The following STK33 variants were observed in gnomAD, a reference collection of about 807,000 sequenced individuals.
STK33 encodes serine/threonine-protein kinase 33.
STK33 carries 52 observed loss-of-function variants against 58.0 expected under a neutral mutation model. The observed-to-expected ratio is 0.90, with a 90% CI of 0.72 to 1.13. The LOEUF is 1.13. Ranked by LOEUF, STK33 falls within the 50% of genes most tolerant of loss-of-function variation. The pLI is 0.00. For synonymous variants in STK33, 215 were observed against 200.1 expected, an observed-to-expected ratio of 1.07 and a Z score of -0.63; for missense variants, 630 against 604.2, an observed-to-expected ratio of 1.04 and a Z score of -0.45.
intron 1 of STK33, among the ~76,000 whole-genome samples, chr11:8,519,206 T>A (rs1218679136): frequency 6.6e-6 from 1 of 152,138 alleles, no homozygotes; most frequent in Admixed American, 6.5e-5. Context: ...ACCGCTCAAC[T>A]ACATGGAAAC....
At chr11:8,518,509 A>G (rs1953040505) in intron 1 of STK33, among the ~76,000 whole-genome samples, 1 of 152,248 alleles carries the variant, frequency 6.6e-6, no homozygotes, top group Non-Finnish European at 1.5e-5. Flanking sequence ...CCTTAAATGT[A>G]AATGGGCTAA....
intron 1 of STK33, among the ~76,000 whole-genome samples, chr11:8,590,013 C>A (rs1277603139): frequency 6.6e-6 from 1 of 152,132 alleles, no homozygotes; most frequent in African/African-American, 2.4e-5. Flanking sequence ...TGAAAGAATT[C>A]AAGTCTAAGA....
chr11:8,540,613 T>C (rs1955432432), intron 1 of STK33, among the ~76,000 whole-genome samples: 1 of 152,162 alleles, frequency 6.6e-6, no homozygotes, highest in African/African-American at 2.4e-5. Flanking sequence ...TAGCAGATAT[T>C]ATGCTAAGTG....
At chr11:8,445,969 G>GT (rs1463207175) in intron 11 of STK33, among the ~76,000 whole-genome samples, 2 of 152,150 alleles carry the variant, frequency 1.3e-5, no homozygotes, top group Non-Finnish European at 2.9e-5. Context: ...GCTCCTCCTT[G>GT]TACCTCTGGT....
the STK33 span, among the ~76,000 whole-genome samples, chr11:8,377,339 A>G: frequency 6.6e-6 from 1 of 152,242 alleles, no homozygotes; most frequent in African/African-American, 2.4e-5. Flanking sequence ...TCAAAATGGG[A>G]TATATCATAT....
At chr11:8,371,020 G>C in the STK33 span, among the ~76,000 whole-genome samples, 34 of 152,272 alleles carry the variant, frequency 2.2e-4, no homozygotes, top group African/African-American at 8.2e-4. Context: ...GCTAATGTCT[G>C]ATCCTGGAGG....
the STK33 span, among the ~76,000 whole-genome samples, chr11:8,376,898 C>T: frequency 1.3e-5 from 2 of 152,298 alleles, no homozygotes; most frequent in African/African-American, 4.8e-5. Flanking sequence ...TTGGCTCCAA[C>T]CATCCCTAGT....
intron 1 of STK33, among the ~76,000 whole-genome samples, chr11:8,569,849 C>T (rs879408034): frequency 6.6e-6 from 1 of 151,918 alleles, no homozygotes; most frequent in African/African-American, 2.4e-5. Context: ...CTCAGCTACT[C>T]GGGAGGCTGA....
At chr11:8,367,220 C>T in the STK33 span, among the ~76,000 whole-genome samples, 1 of 152,232 alleles carries the variant, frequency 6.6e-6, no homozygotes, top group Non-Finnish European at 1.5e-5. Flanking sequence ...TATCTGTGCG[C>T]ACTATGCATG....
intron 1 of STK33, among the ~76,000 whole-genome samples, chr11:8,495,448 A>T (rs1950984072): frequency 6.6e-6 from 1 of 152,208 alleles, no homozygotes; most frequent in Admixed American, 6.5e-5. Context: ...TCAGGAAACA[A>T]CAGATACTGG....
chr11:8,535,974 T>C (rs998634867), intron 1 of STK33, among the ~76,000 whole-genome samples: 1 of 152,174 alleles, frequency 6.6e-6, no homozygotes, highest in Non-Finnish European at 1.5e-5. Flanking sequence ...TGGAAGTCAT[T>C]ATCTTAAGTG....
At chr11:8,343,664 C>A in the STK33 span, among the ~76,000 whole-genome samples, 1 of 152,204 alleles carries the variant, frequency 6.6e-6, no homozygotes, top group South Asian at 2.1e-4. Context: ...AAGGCTGGGG[C>A]GAGTCTCATA....
intron 14 of STK33, among the ~76,000 whole-genome samples, chr11:8,425,357 C>G (rs10840043): frequency 0.58 from 87,832 of 151,920 alleles, 25,828 homozygotes; most frequent in South Asian, 0.71. Flanking sequence ...CTCTGTTTTG[C>G]TACCAGTACC....
the STK33 span, among the ~76,000 whole-genome samples, chr11:8,362,438 G>A: frequency 6.6e-6 from 1 of 152,106 alleles, no homozygotes; most frequent in Admixed American, 6.5e-5. Flanking sequence ...ACGGCTCCCC[G>A]TGACCTTATT....
the STK33 span, among the ~76,000 whole-genome samples, chr11:8,335,101 G>A: frequency 2.1e-4 from 32 of 152,338 alleles, no homozygotes; most frequent in Middle Eastern, 3.4e-3. Context: ...TCAGGTGCGC[G>A]GAGGAATGAA....
rs112772770 is a variant in STK33 at position 8,550,325 on chromosome 11, T to C, written c.-466+43758A>G. 1.0e-3 allele frequency among the ~76,000 whole-genome samples: 156 copies of C among 152,280 alleles called. 1 individual carries two copies. The highest frequency in any genetic ancestry group is 3.5e-3 in the African/African-American group (146 of 41,554). On this transcript the variant is annotated intron_variant, in intron 1 of 15. Transcript: ENST00000687296. ...TCATTCATTTCTGCTCTGATCTTTA[T>C]TATTTCTTTCCTTCTACTAATATAT...
Position 8,543,059 on chromosome 11 carries a change from G to A in STK33, c.-466+51024C>T, listed in dbSNP as rs149095126. Among the ~76,000 whole-genome samples, 13 of 152,096 alleles carry A rather than the reference G, an allele frequency of 8.5e-5. No individual in the cohort carries two copies. The East Asian group carries it at 1.2e-3, about 14-fold the overall frequency. On this transcript the variant is annotated intron_variant, in intron 1 of 15. Coordinates refer to ENST00000687296, the MANE Select transcript of STK33 (RefSeq NM_001352389.2). The stretch of plus-strand genomic sequence containing the variant: ...TTATTATCTCCATCAGTTTGATGCC[G>A]CCCAATGCAGACTCTGTTTTGTTCT...
intron 1 of STK33, among the ~76,000 whole-genome samples, chr11:8,493,485 C>T (rs1023949537): frequency 5.3e-5 from 8 of 152,082 alleles, no homozygotes; most frequent in Non-Finnish European, 1.2e-4. Flanking sequence ...TGTCCAGGAC[C>T]AGACGGATTC....
At chr11:8,395,134 T>A (rs951743955) in intron 15 of STK33, among the ~76,000 whole-genome samples, 1 of 152,234 alleles carries the variant, frequency 6.6e-6, no homozygotes, top group Admixed American at 6.5e-5. Context: ...CAATTTCCTA[T>A]GGTTCAATCT....
Sources: allele counts gnomAD v4.1 joint callset (sites outside exome capture counted in the v4.1 genomes callset), GRCh38; gene constraint gnomAD v4.1.1; transcripts MANE v1.5; gene names NCBI Gene and HGNC (gene_info 2026-07-23, HGNC 2026-07-21).